Variants in ZBBX observed in about 807,000 individuals in gnomAD.
ZBBX encodes the protein zinc finger B-box domain-containing protein 1.
Under a neutral mutation model 108.5 loss-of-function variants are expected in ZBBX, and 101 were observed. The ratio of observed to expected loss-of-function variants is 0.93; its 90% CI spans 0.79 to 1.10. The LOEUF is 1.10. Ranked by LOEUF, ZBBX falls within the 50% of genes least tolerant of loss-of-function variation. The pLI is 0.00. For synonymous variants in ZBBX, 356 were observed against 323.4 expected, an observed-to-expected ratio of 1.10 and a Z score of -1.08; for missense variants, 1,009 against 941.4, an observed-to-expected ratio of 1.07 and a Z score of -0.94.
downstream of ZBBX, among the ~76,000 whole-genome samples, chr3:167,235,986 G>A (rs1304010131): frequency 6.6e-6 from 1 of 151,466 alleles, no homozygotes; most frequent in Non-Finnish European, 1.5e-5. Flanking sequence ...AAATAACCGG[G>A]GGTGAAAATT....
intron 8 of ZBBX, 119 bp from the exon 9 acceptor site, chr3:167,350,634 C>G: frequency 1.6e-6 from 1 of 616,296 alleles, no homozygotes; most frequent in East Asian, 3.3e-5. Flanking sequence ...ATACCTATAT[C>G]ATCAGAATTG....
the ZBBX span, among the ~76,000 whole-genome samples, chr3:167,203,738 TTTTTA>T: frequency 1.3e-5 from 2 of 148,260 alleles, no homozygotes; most frequent in East Asian, 1.9e-4. Context: ...ATTTTGTTTC[TTTTTA>T]TTTTATTTTG....
chr3:167,268,970 A>C lies in ZBBX; in HGVS notation c.2254+13268T>G, dbSNP rs566404385. Among the ~76,000 whole-genome samples the C allele has an allele frequency of 2.6e-5, 4 of 152,300 alleles. No homozygotes were observed. In the East Asian group the frequency reaches 7.7e-4, roughly 29 times the overall value. On this transcript the variant is annotated intron_variant, in intron 20 of 21. Coordinates refer to ENST00000675490, the MANE Select transcript of ZBBX (RefSeq NM_001199201.2). The stretch of plus-strand genomic sequence containing the variant: ...GACCCTCTAAAGAGTATGGGGGAAC[A>C]ACGTTGCAAAGTCCTGGAGCTGGGA...
At chr3:167,353,503 T>C (rs904646316) in intron 8 of ZBBX, among the ~76,000 whole-genome samples, 17 of 151,888 alleles carry the variant, frequency 1.1e-4, no homozygotes, top group Non-Finnish European at 1.9e-4. Flanking sequence ...ACTCCATACA[T>C]TGGAAGGGTG....
At chr3:167,317,378 C>A in intron 13 of ZBBX, 110 bp downstream of exon 13, 5 of 790,534 alleles carry the variant, frequency 6.3e-6, no homozygotes, top group Non-Finnish European at 9.7e-6. Flanking sequence ...TTACATGGTA[C>A]AACTGAGAAT....
intron 12 of ZBBX, among the ~76,000 whole-genome samples, chr3:167,321,126 T>A (rs183017202): frequency 6.6e-6 from 1 of 152,026 alleles, no homozygotes; most frequent in East Asian, 1.9e-4. Context: ...TGAGTGAATG[T>A]TATTTGGGAA....
intron 20 of ZBBX, among the ~76,000 whole-genome samples, chr3:167,258,455 G>A (rs1166173262): frequency 1.3e-5 from 2 of 152,094 alleles, no homozygotes; most frequent in African/African-American, 4.8e-5. Flanking sequence ...AAGGGTGACA[G>A]TGATAGTTTG....
chr3:167,227,906 C>T, the ZBBX span, among the ~76,000 whole-genome samples: 1 of 151,648 alleles, frequency 6.6e-6, no homozygotes, highest in Non-Finnish European at 1.5e-5. Flanking sequence ...GGCTCACCAT[C>T]ATTTTCAGTG....
intron 12 of ZBBX, among the ~76,000 whole-genome samples, chr3:167,321,682 T>G (rs540537073): frequency 6.6e-6 from 1 of 152,022 alleles, no homozygotes; most frequent in African/African-American, 2.4e-5. Flanking sequence ...TCTGGTGATA[T>G]CTCTTTGAAT....
chr3:167,257,460 A>C (rs1331047019), intron 20 of ZBBX, among the ~76,000 whole-genome samples: 1 of 152,066 alleles, frequency 6.6e-6, no homozygotes, highest in African/African-American at 2.4e-5. Context: ...CAGCATAGTT[A>C]TGTTTCAGGT....
chr3:167,204,197 TC>T, the ZBBX span, among the ~76,000 whole-genome samples: 22 of 129,028 alleles, frequency 1.7e-4, no homozygotes, highest in East Asian at 4.2e-4. Flanking sequence ...TTTCTTTTTT[TC>T]TTTTTTTTTT....
At chr3:167,293,881 A>G (rs1273408347) in intron 18 of ZBBX, among the ~76,000 whole-genome samples, 1 of 152,188 alleles carries the variant, frequency 6.6e-6, no homozygotes, top group Non-Finnish European at 1.5e-5. Flanking sequence ...AAAAATCACA[A>G]GCATTCCTAT....
At chr3:167,332,440 C>T (rs188621372) in intron 10 of ZBBX, among the ~76,000 whole-genome samples, 2 of 152,194 alleles carry the variant, frequency 1.3e-5, no homozygotes, top group African/African-American at 4.8e-5. Context: ...ATGAGGCAGA[C>T]AATGTATACA....
chr3:167,215,883 T>C, the ZBBX span, among the ~76,000 whole-genome samples: 1 of 152,106 alleles, frequency 6.6e-6, no homozygotes, highest in African/African-American at 2.4e-5. Context: ...AAAAACCATG[T>C]GATTATATCA....
chr3:167,325,670 G>A (rs374977929), intron 11 of ZBBX, among the ~76,000 whole-genome samples: 1 of 152,060 alleles, frequency 6.6e-6, no homozygotes, highest in Non-Finnish European at 1.5e-5. Context: ...TACTGCTTTT[G>A]CACATCATTT....
At chr3:167,341,913 AT>A (rs2108447804) in intron 9 of ZBBX, among the ~76,000 whole-genome samples, 1 of 152,028 alleles carries the variant, frequency 6.6e-6, no homozygotes, top group South Asian at 2.1e-4. Context: ...TTACATCACA[AT>A]TAGATAATTC....
intron 10 of ZBBX, among the ~76,000 whole-genome samples, chr3:167,330,539 G>T (rs1471150883): frequency 1.3e-5 from 2 of 151,992 alleles, no homozygotes; most frequent in East Asian, 3.9e-4. Flanking sequence ...GGAGGTAATT[G>T]AGGTTAAATG....
chr3:167,337,789 C>A (rs569246554), intron 9 of ZBBX, among the ~76,000 whole-genome samples: 3 of 151,986 alleles, frequency 2.0e-5, no homozygotes, highest in African/African-American at 7.2e-5. Context: ...TGAGTAACAA[C>A]AATGAATAAG....
At chr3:167,237,540 G>C (rs1720280297), downstream of ZBBX, among the ~76,000 whole-genome samples, 1 of 151,846 alleles carries the variant, frequency 6.6e-6, no homozygotes, top group Non-Finnish European at 1.5e-5. Context: ...GTCCGTAGCA[G>C]CAATTTTAAG....
Sources: gnomAD v4.1 joint callset for allele counts (sites outside exome capture counted in the v4.1 genomes callset) on GRCh38, gnomAD v4.1.1 for gene constraint, MANE v1.5 for transcripts, NCBI Gene and HGNC (gene_info 2026-07-23, HGNC 2026-07-21) for gene names.